SNRPD1: variants seen among roughly 807,000 people sequenced by gnomAD.
SNRPD1 encodes small nuclear ribonucleoprotein D1 polypeptide.
SNRPD1 carries 1 observed loss-of-function variant against 14.4 expected under a neutral mutation model. That is an observed-to-expected ratio of 0.07 (90% CI 0.02 to 0.33). The LOEUF (loss-of-function observed/expected upper bound fraction) is 0.33, where lower values mean the gene tolerates loss of function less well. SNRPD1 is among the 10% of genes least tolerant of loss of function. The pLI is 1.00. For missense variants in SNRPD1, 52 were observed against 146.4 expected, an observed-to-expected ratio of 0.36 and a Z score of 3.33; for synonymous variants, 42 against 50.3, an observed-to-expected ratio of 0.83 and a Z score of 0.70.
chr18:21,612,475 G>A lies in SNRPD1; in HGVS notation c.14+32G>A, dbSNP rs199503131. ...GAGTGACCAAGCAGCTCTGGGGGCT[G>A]TGAAGGGAGGGCTTGGCCCGGAGTC... On this transcript the variant is annotated intron_variant, in intron 1 of 3. Coordinates refer to ENST00000300413, the MANE Select transcript of SNRPD1 (RefSeq NM_006938.4). The A allele has an allele frequency of 2.3e-5, 34 of 1,466,022 alleles. No individual in the cohort carries two copies. In the African/African-American group the frequency reaches 4.4e-4, roughly 19 times the overall value. The allele number at this position is 1,466,022 out of a possible 1,614,324, so 90.8% of individuals were successfully genotyped here.
intron 1 of SNRPD1, among the ~76,000 whole-genome samples, chr18:21,616,701 T>TA: frequency 6.6e-6 from 1 of 151,426 alleles, no homozygotes; most frequent in South Asian, 2.1e-4. Context: ...TTTTTTTTTT[T>TA]TTTGAGATGG....
chr18:21,616,994 G>A (rs913711046), intron 1 of SNRPD1, among the ~76,000 whole-genome samples: 12 of 152,096 alleles, frequency 7.9e-5, no homozygotes, highest in African/African-American at 2.9e-4. Context: ...CCTATATCTG[G>A]AACTCTTGGG....
intron 3 of SNRPD1, among the ~76,000 whole-genome samples, chr18:21,627,106 A>C (rs2039045818): frequency 6.6e-6 from 1 of 151,592 alleles, no homozygotes; most frequent in Non-Finnish European, 1.5e-5. Flanking sequence ...CATCTCTACT[A>C]AAAATACAAA....
chr18:21,614,639 G>A (rs2038944640), intron 1 of SNRPD1, among the ~76,000 whole-genome samples: 1 of 152,126 alleles, frequency 6.6e-6, no homozygotes, highest in Admixed American at 6.6e-5. Context: ...TTTCTCTCCT[G>A]ATGTCCTTGA....
chr18:21,627,513 C>T (rs1307769881), intron 3 of SNRPD1, among the ~76,000 whole-genome samples: 2 of 144,684 alleles, frequency 1.4e-5, no homozygotes, highest in Non-Finnish European at 3.0e-5. Flanking sequence ...GATCTCCACT[C>T]ATTACAACCT....
chr18:21,616,560 G>A (rs1043681698), intron 1 of SNRPD1, among the ~76,000 whole-genome samples: 14 of 151,030 alleles, frequency 9.3e-5, no homozygotes, highest in Non-Finnish European at 1.8e-4. Context: ...GTTTCACCAT[G>A]TTGGTCAGGC....
intron 3 of SNRPD1, among the ~76,000 whole-genome samples, 177 bp from the exon 4 acceptor site, chr18:21,628,885 G>A (rs929021845): frequency 6.6e-6 from 1 of 151,622 alleles, no homozygotes; most frequent in Non-Finnish European, 1.5e-5. Context: ...TGTGTTGGGG[G>A]GTGGAGGGAA....
In SNRPD1 at chr18:21,631,983, G is replaced by GC. The variant is rs2039088067; in HGVS notation, c.*2846dup. On this transcript the variant is annotated 3_prime_UTR_variant, in exon 4 of 4. Transcript: ENST00000300413. ...AAGCAGATAACAAATAAAAATTGGA[G>GC]CTTAGTGCCGTGGTGCACACTTGTA... 1 of 152,158 alleles carries GC rather than the reference G, an allele frequency of 6.6e-6. No individual in the cohort carries two copies. Among genetic ancestry groups the GC allele is most frequent in the African/African-American group, 2.4e-5 (1 of 41,428 alleles). 9.4% of individuals were successfully genotyped at this position (152,158 alleles called of 1,614,324 possible). A position where few individuals can be genotyped will look rare whatever the true frequency, so the allele number is the denominator to read the frequency against.
At chr18:21,616,376 A>G (rs779730001) in intron 1 of SNRPD1, among the ~76,000 whole-genome samples, 1 of 151,822 alleles carries the variant, frequency 6.6e-6, no homozygotes, top group Admixed American at 6.6e-5. Flanking sequence ...TCATTTCCTT[A>G]ATAGTGTCTC....
At chr18:21,622,289 G>A (rs1351168148) in intron 1 of SNRPD1, among the ~76,000 whole-genome samples, 1 of 151,906 alleles carries the variant, frequency 6.6e-6, no homozygotes, top group Non-Finnish European at 1.5e-5. Context: ...ACAGGTGCCC[G>A]CCACCATGCC....
chr18:21,612,476 T>A lies in SNRPD1; in HGVS notation c.14+33T>A, dbSNP rs543383178. The A allele has an allele frequency of 2.2e-5, 32 of 1,465,032 alleles. No homozygotes were observed. The African/African-American group carries it at 4.4e-4, about 20-fold the overall frequency. The allele number at this position is 1,465,032 out of a possible 1,614,324, so 90.8% of individuals were successfully genotyped here. ...AGTGACCAAGCAGCTCTGGGGGCTG[T>A]GAAGGGAGGGCTTGGCCCGGAGTCC... On this transcript the variant is annotated intron_variant, in intron 1 of 3. Coordinates refer to ENST00000300413, the MANE Select transcript of SNRPD1 (RefSeq NM_006938.4).
At chr18:21,621,339 C>T (rs915534208) in intron 1 of SNRPD1, among the ~76,000 whole-genome samples, 6 of 152,054 alleles carry the variant, frequency 3.9e-5, no homozygotes, top group African/African-American at 1.4e-4. Context: ...CGTCAACAGG[C>T]GGTAATAAAT....
rs2039075509 is a variant in SNRPD1, at chr18:21,630,740, A to G, written c.*1602A>G. On this transcript the variant is annotated 3_prime_UTR_variant, in exon 4 of 4. Coordinates refer to ENST00000300413, the MANE Select transcript of SNRPD1 (RefSeq NM_006938.4). ...GTGCCACTGCACTCCAGCCTGGGCG[A>G]TGGAGTGAGACTACGTCTCAAAAAA... is the stretch of plus-strand genomic sequence containing the variant. The G allele has an allele frequency of 6.6e-6, 1 of 150,376 alleles. No individual in the cohort carries two copies. Among genetic ancestry groups the G allele is most frequent in the Admixed American group, 6.6e-5 (1 of 15,044 alleles). 9.3% of individuals were successfully genotyped at this position (150,376 alleles called of 1,614,324 possible).
Position 21,629,050 on chromosome 18 carries a change from C to G in SNRPD1, c.284-12C>G. Reference sequence around the variant, plus strand: ...AGAGAATTGAACTTGGTTTGTTTTTCTTTTCCTTCAGTTGCAGGAAGAGGC... The same window carrying G: ...AGAGAATTGAACTTGGTTTGTTTTTGTTTTCCTTCAGTTGCAGGAAGAGGC... On this transcript the variant is annotated splice_polypyrimidine_tract_variant and intron_variant, in intron 3 of 3. Coordinates refer to ENST00000300413, the MANE Select transcript of SNRPD1 (RefSeq NM_006938.4). 3 of 1,612,964 alleles carry G rather than the reference C, an allele frequency of 1.9e-6. No homozygotes were observed. Among genetic ancestry groups the G allele is most frequent in the Non-Finnish European group, 2.5e-6 (3 of 1,179,056 alleles).
In SNRPD1 at chr18:21,629,769, T is replaced by C. The variant is rs2039066994; in HGVS notation, c.*631T>C. ...TGAGATATGTAAAGAGACTTTAGGC[T>C]AAACTTAACAATATATATAGGATAT... is the stretch of plus-strand genomic sequence containing the variant. On this transcript the variant is annotated 3_prime_UTR_variant, in exon 4 of 4. Transcript: ENST00000300413. The C allele has an allele frequency of 6.6e-6, 1 of 152,446 alleles. No individual in the cohort carries two copies. The highest frequency in any genetic ancestry group is 2.4e-5 in the African/African-American group (1 of 41,470). The allele number at this position is 152,446 out of a possible 1,614,324, so 9.4% of individuals were successfully genotyped here.
At chr18:21,625,150 T>C (rs2039026960) in intron 3 of SNRPD1, among the ~76,000 whole-genome samples, 1 of 152,000 alleles carries the variant, frequency 6.6e-6, no homozygotes, top group Non-Finnish European at 1.5e-5. Context: ...TCTACATTTT[T>C]TTTTTTACTA....
chr18:21,623,967 T>G (rs753640476), intron 3 of SNRPD1, 28 bp downstream of exon 3: 2 of 1,369,618 alleles, frequency 1.5e-6, no homozygotes, highest in Admixed American at 4.0e-5. Context: ...TAAACATTTT[T>G]GTGAATGCTA....
chr18:21,631,433 T>G lies in SNRPD1; in HGVS notation c.*2295T>G, dbSNP rs990235847. On this transcript the variant is annotated 3_prime_UTR_variant, in exon 4 of 4. Transcript: ENST00000300413. ...ATGTAATTTTTCTCCACACGTTTTT[T>G]TTTTTTTTTTTTTTTTTTTTCTGGA... 13 of 132,182 alleles carry G rather than the reference T, an allele frequency of 9.8e-5. No homozygotes were observed. Among genetic ancestry groups the G allele is most frequent in the Non-Finnish European group, 1.5e-4 (9 of 61,786 alleles). The allele number at this position is 132,182 out of a possible 1,614,324, so 8.2% of individuals were successfully genotyped here.
At chr18:21,625,674 G>A (rs990353653) in intron 3 of SNRPD1, among the ~76,000 whole-genome samples, 2 of 151,996 alleles carry the variant, frequency 1.3e-5, no homozygotes, top group South Asian at 4.2e-4. Context: ...GCAGTGGCGC[G>A]ATCTCGGCTC....
Sources: allele counts gnomAD v4.1 joint callset (sites outside exome capture counted in the v4.1 genomes callset), GRCh38; gene constraint gnomAD v4.1.1; transcripts MANE v1.5; gene names NCBI Gene and HGNC (gene_info 2026-07-23, HGNC 2026-07-21).